Variants in TRIM38 observed in about 807,000 individuals in gnomAD.
TRIM38 encodes tripartite motif containing 38.
A neutral mutation model predicts 35.8 loss-of-function variants in TRIM38; 35 were observed. That is an observed-to-expected ratio of 0.98 (90% confidence interval 0.75 to 1.30). The LOEUF is 1.30. TRIM38 is among the 50% of genes most tolerant of loss of function. TRIM38 has a pLI of 0.00. For synonymous variants in TRIM38, 198 were observed against 204.7 expected (o/e 0.97, Z 0.28); for missense variants, 545 against 556.9 (o/e 0.98, Z 0.21).
chr6:25,985,292 TTAAAAAAA>T lies in TRIM38; in HGVS notation c.*1606_*1613del, dbSNP rs1760680697. 2 of 135,904 alleles carry T rather than the reference TTAAAAAAA, an allele frequency of 1.5e-5. No individual in the cohort carries two copies. The highest frequency in any genetic ancestry group is 7.2e-5 in the Admixed American group (1 of 13,854). The allele number at this position is 135,904 out of a possible 1,614,324, so 8.4% of individuals were successfully genotyped here. On this transcript the variant is annotated 3_prime_UTR_variant, in exon 8 of 8. Transcript: ENST00000357085. ...CATAGCACCAGAGAAGTCTTTTTTT[TTAAAAAAA>T]AAAAAAAAAAAAGGGAAAGAAAAAG...
intron 3 of TRIM38, 43 bp downstream of exon 3, chr6:25,966,976 A>G (rs1157007510): frequency 1.3e-6 from 2 of 1,528,236 alleles, no homozygotes; most frequent in South Asian, 2.6e-5. Context: ...ACCAAGTCTT[A>G]TCCTGCTCCC....
intron 2 of TRIM38, among the ~76,000 whole-genome samples, chr6:25,963,997 G>A (rs1244539984): frequency 6.6e-6 from 1 of 152,100 alleles, no homozygotes; most frequent in African/African-American, 2.4e-5. Context: ...GGGATGGGGG[G>A]GGTCGAGGTG....
rs1422118117 is a variant in TRIM38 at position 25,966,457 on chromosome 6, G to A, written c.-66G>A. ...TGCAGGTGAGGTGTATTTTCATCAC[G>A]GTGGAAAATTCTGGCTGCTTCATCT... On this transcript the variant is annotated 5_prime_UTR_variant, in exon 3 of 8. Coordinates refer to ENST00000357085, the MANE Select transcript of TRIM38 (RefSeq NM_006355.5). The A allele has an allele frequency of 6.0e-6, 9 of 1,488,314 alleles. No homozygotes were observed. Among genetic ancestry groups the A allele is most frequent in the East Asian group, 2.3e-5 (1 of 43,698 alleles). 92.2% of individuals were successfully genotyped at this position (1,488,314 alleles called of 1,614,324 possible).
chr6:25,976,524 G>A (rs180769158), intron 7 of TRIM38, among the ~76,000 whole-genome samples: 24 of 152,288 alleles, frequency 1.6e-4, no homozygotes, highest in Non-Finnish European at 3.4e-4. Flanking sequence ...TCTCGCCTCG[G>A]CCTTCTAAAG....
At position 25,966,950 on chromosome 6, in the gene TRIM38, G is replaced by A. The variant is rs185125206; in HGVS notation, c.411+17G>A. 73 of 1,581,268 alleles carry A rather than the reference G, an allele frequency of 4.6e-5. No homozygotes were observed. The Admixed American group carries it at 7.1e-4, about 15-fold the overall frequency. On this transcript the variant is annotated intron_variant, in intron 3 of 7. Coordinates refer to ENST00000357085, the MANE Select transcript of TRIM38 (RefSeq NM_006355.5). ...GGCTACAAGGTGAGTGTGTGGGCCC[G>A]GGAGCTTTGGTAAGTACCAAGTCTT...
intron 7 of TRIM38, chr6:25,973,737 A>G (rs1760309672): frequency 6.1e-6 from 6 of 985,464 alleles, no homozygotes; most frequent in Non-Finnish European, 4.8e-6. Flanking sequence ...CAAGAAAAGT[A>G]GGTGAGTATG....
chr6:25,983,086 CAAAAT>C (rs927259480), intron 7 of TRIM38, 73 bp from the exon 8 acceptor site: 72 of 1,434,004 alleles, frequency 5.0e-5, no homozygotes, highest in South Asian at 7.1e-5. Flanking sequence ...CACTCCATCT[CAAAAT>C]AAAATAAAAT....
rs148853399 is a variant in TRIM38 at position 25,972,001 on chromosome 6, G to A, written c.640G>A (p.Asp214Asn). The A allele has an allele frequency of 5.6e-6, 9 of 1,614,036 alleles. No homozygotes were observed. The highest frequency in any genetic ancestry group is 1.3e-5 in the African/African-American group (1 of 74,902). ...EEQQTLSRLRDYEAGLGLKSN... is the reference protein window; with the variant it reads ...EEQQTLSRLRNYEAGLGLKSN... ...ACAACAGACTCTGAGTAGACTGAGG[G>A]ACTATGAGGCTGGTCTGGGGCTGAA... Residue 214 changes from aspartate (D) to asparagine (N), a missense_variant, in exon 5 of 8, where the codon GAC (aspartate) becomes AAC (asparagine). Physicochemically the swap from Asp to Asn is conservative, Grantham distance 23 (BLOSUM62 1). Coordinates refer to ENST00000357085, the MANE Select transcript of TRIM38 (RefSeq NM_006355.5).
At chr6:25,976,169 G>A (rs935806765) in intron 7 of TRIM38, among the ~76,000 whole-genome samples, 1 of 152,194 alleles carries the variant, frequency 6.6e-6, no homozygotes, top group Non-Finnish European at 1.5e-5. Context: ...TTAGGTGAGT[G>A]TTGTAGGATC....
Position 25,983,630 on chromosome 6 carries a change from G to A in TRIM38, c.1341G>A (p.Arg447=). 1 of 1,612,830 alleles carries A rather than the reference G, an allele frequency of 6.2e-7. No individual in the cohort carries two copies. The highest frequency in any genetic ancestry group is 1.1e-5 in the South Asian group (1 of 90,950). ...AGGCTTCCTTCTCTGATACTCTCCG[G>A]CCCTATTTCCAGGTTTATCAATATT... ...FPKASFSDTL[R]PYFQVYQYSP... Residue 447 remains arginine, a synonymous_variant, in exon 8 of 8, where the codon CGG becomes CGA. Transcript: ENST00000357085.
chr6:25,971,703 A>C (rs1431756613), intron 4 of TRIM38, among the ~76,000 whole-genome samples, 166 bp from the exon 5 acceptor site: 1 of 152,126 alleles, frequency 6.6e-6, no homozygotes, highest in African/African-American at 2.4e-5. Context: ...TTGTATAAGC[A>C]AAGTCTTACA....
At chr6:25,971,183 A>C (rs1760216568) in intron 4 of TRIM38, among the ~76,000 whole-genome samples, 1 of 152,224 alleles carries the variant, frequency 6.6e-6, no homozygotes, top group Non-Finnish European at 1.5e-5. Flanking sequence ...TAACTGATAA[A>C]GTGTTTGAAC....
chr6:25,967,199 C>A (rs529768918), intron 3 of TRIM38, among the ~76,000 whole-genome samples: 2 of 152,130 alleles, frequency 1.3e-5, no homozygotes, highest in African/African-American at 4.8e-5. Flanking sequence ...TGTTCTCAAA[C>A]CAAACACCCG....
Position 25,985,544 on chromosome 6 carries a change from T to C in TRIM38, c.*1857T>C, listed in dbSNP as rs1004639564. On this transcript the variant is annotated 3_prime_UTR_variant, in exon 8 of 8. Transcript: ENST00000357085. ...TTAGTCTACTTGATAGGGCCACAGA[T>C]GGAGAACCTAAGATGAATAGAAAAA... is the stretch of plus-strand genomic sequence containing the variant. 6.6e-6 allele frequency: 1 copy of C among 152,218 alleles called. No individual in the cohort carries two copies. Among genetic ancestry groups the C allele is most frequent in the Non-Finnish European group, 1.5e-5 (1 of 68,052 alleles). 9.4% of individuals were successfully genotyped at this position (152,218 alleles called of 1,614,324 possible).
chr6:25,977,924 C>A (rs1222689404), intron 7 of TRIM38, among the ~76,000 whole-genome samples: 1 of 152,006 alleles, frequency 6.6e-6, no homozygotes, highest in Non-Finnish European at 1.5e-5. Context: ...TAACTATGAC[C>A]AGTGCTCTGC....
chr6:25,970,419 CTTTATA>C (rs1007102982), intron 4 of TRIM38, among the ~76,000 whole-genome samples: 2 of 152,138 alleles, frequency 1.3e-5, no homozygotes, highest in Admixed American at 6.5e-5. Context: ...TTGCACCAAT[CTTTATA>C]TTTATATAAT....
intron 3 of TRIM38, among the ~76,000 whole-genome samples, chr6:25,968,751 T>C (rs1760136790): frequency 6.6e-6 from 1 of 152,212 alleles, no homozygotes; most frequent in African/African-American, 2.4e-5. Context: ...TACTAAATCA[T>C]TTTAAATTGG....
At chr6:25,966,116 G>T (rs1251530182) in intron 2 of TRIM38, among the ~76,000 whole-genome samples, 2 of 152,076 alleles carry the variant, frequency 1.3e-5, no homozygotes, top group Non-Finnish European at 2.9e-5. Context: ...ATATTCCCGA[G>T]ATTTGTAATA....
rs1420578062 is a variant in TRIM38, at chr6:25,966,766, G to A, written c.244G>A (p.Glu82Lys). ...RPNKQLGSLI[E>K]ALKETDQEMS... is the part of the protein sequence containing the mutation. ...CAACAAGCAGCTGGGAAGCCTCATT[G>A]AAGCCCTCAAAGAGACGGATCAAGA... is the stretch of plus-strand genomic sequence containing the variant. Residue 82 changes from glutamate (E) to lysine (K), a missense_variant, in exon 3 of 8, where the codon GAA becomes AAA. By Grantham distance (56) the Glu-to-Lys change is moderately conservative. Coordinates refer to ENST00000357085, the MANE Select transcript of TRIM38 (RefSeq NM_006355.5). The A allele has an allele frequency of 6.2e-7, 1 of 1,614,206 alleles. No individual in the cohort carries two copies. The highest frequency in any genetic ancestry group is 8.5e-7 in the Non-Finnish European group (1 of 1,180,044).
Sources: allele counts gnomAD v4.1 joint callset (sites outside exome capture counted in the v4.1 genomes callset), GRCh38; gene constraint gnomAD v4.1.1; transcripts MANE v1.5; gene names NCBI Gene and HGNC (gene_info 2026-07-23, HGNC 2026-07-21).